DENND2C: variants seen among roughly 807,000 people sequenced by gnomAD.
The protein encoded by DENND2C is DENN domain-containing protein 2C.
Under a neutral mutation model 112.4 loss-of-function variants are expected in DENND2C, and 72 were observed. The ratio of observed to expected loss-of-function variants is 0.64; its 90% CI spans 0.53 to 0.78. The LOEUF is 0.78. Ranked by LOEUF, DENND2C falls within the 30% of genes least tolerant of loss-of-function variation. The probability of loss-of-function intolerance (pLI) is 0.00; values close to 1 mark genes in which losing one functional copy is unlikely to be tolerated. For missense variants in DENND2C, 992 were observed against 1,113.8 expected (o/e 0.89, Z 1.56); for synonymous variants, 329 against 381.6 (o/e 0.86, Z 1.61).
At position 114,599,269 on chromosome 1, in the gene DENND2C, C is replaced by T. The variant is rs1433578807; in HGVS notation, c.2283+5G>A. 16 of 1,598,218 alleles carry T rather than the reference C, an allele frequency of 1.0e-5. No homozygotes were observed. Among genetic ancestry groups the T allele is most frequent in the African/African-American group, 1.3e-5 (1 of 74,784 alleles). The stretch of plus-strand genomic sequence containing the variant: ...CCAATATTAGGTTCCATTCTTCTAT[C>T]TCACCTCTTCAATGGGTAGGTCCTG... On this transcript the variant is annotated splice_donor_5th_base_variant and intron_variant, in intron 16 of 20. Transcript: ENST00000393274.
At chr1:114,642,547 A>T (rs1656869957) in intron 3 of DENND2C, among the ~76,000 whole-genome samples, 1 of 152,202 alleles carries the variant, frequency 6.6e-6, no homozygotes, top group South Asian at 2.1e-4. Flanking sequence ...AATGATCACA[A>T]TGTTTACAGA....
chr1:114,663,607 G>GGCCT (rs1284886960), intron 1 of DENND2C, among the ~76,000 whole-genome samples: 2 of 152,122 alleles, frequency 1.3e-5, no homozygotes, highest in African/African-American at 2.4e-5. Context: ...GGCAGACTAT[G>GGCCT]GCCTACCTGT....
At position 114,625,298 on chromosome 1, in the gene DENND2C, T is replaced by C. The variant is rs1382101303; in HGVS notation, c.687A>G (p.Lys229=). 1.2e-6 allele frequency: 2 copies of C among 1,614,100 alleles called. No individual in the cohort carries two copies. Among genetic ancestry groups the C allele is most frequent in the East Asian group, 4.5e-5 (2 of 44,886 alleles). The part of the protein sequence containing the change: ...YLSESGVTPY[K]ERNCDKKYCE... Reference sequence around the variant, plus strand: ...AGTATTTTTTGTCACAGTTTCTTTCTTTATACGGCGTAACACCAGATTCGG... The same window carrying C: ...AGTATTTTTTGTCACAGTTTCTTTCCTTATACGGCGTAACACCAGATTCGG... The change falls in exon 4 of 21, where the codon AAA becomes AAG. Residue 229 remains lysine, a synonymous_variant. Coordinates refer to ENST00000393274, the MANE Select transcript of DENND2C (RefSeq NM_001256404.2).
intron 3 of DENND2C, among the ~76,000 whole-genome samples, chr1:114,635,942 G>T (rs891014569): frequency 2.0e-5 from 3 of 151,832 alleles, no homozygotes; most frequent in Non-Finnish European, 4.4e-5. Flanking sequence ...GGTGGTGGAG[G>T]TTGCATTGAG....
At position 114,618,337 on chromosome 1, in the gene DENND2C, C is replaced by G. The variant is rs181946833; in HGVS notation, c.1324+49G>C. ...CATTAAGTTATATGGTGATTCTCCT[C>G]TCATATCCTGACAGCTACAGGATAG... On this transcript the variant is annotated intron_variant, in intron 8 of 20. Transcript: ENST00000393274. 7.6e-4 allele frequency: 1,027 copies of G among 1,357,442 alleles called. 6 individuals are homozygous for G. The African/African-American group carries it at 0.014, about 18-fold the overall frequency. 84.1% of individuals were successfully genotyped at this position (1,357,442 alleles called of 1,614,324 possible).
chr1:114,643,011 C>T (rs906981300), intron 3 of DENND2C, among the ~76,000 whole-genome samples: 19 of 152,254 alleles, frequency 1.2e-4, no homozygotes, highest in African/African-American at 4.6e-4. Context: ...TCTGAATTTG[C>T]CTTATAGCAA....
At chr1:114,619,708 T>A (rs976683218) in intron 7 of DENND2C, among the ~76,000 whole-genome samples, 1 of 152,124 alleles carries the variant, frequency 6.6e-6, no homozygotes, top group African/African-American at 2.4e-5. Flanking sequence ...TACTAAGGGC[T>A]ATAGGAAAGA....
At chr1:114,614,775 G>A (rs1409446248) in intron 8 of DENND2C, among the ~76,000 whole-genome samples, 1 of 152,144 alleles carries the variant, frequency 6.6e-6, no homozygotes, top group Non-Finnish European at 1.5e-5. Context: ...TACTTTGGGA[G>A]GCCGAGGCGG....
intron 11 of DENND2C, among the ~76,000 whole-genome samples, 190 bp from the exon 12 acceptor site, chr1:114,602,384 A>G (rs577221737): frequency 6.6e-6 from 1 of 152,190 alleles, no homozygotes; most frequent in Non-Finnish European, 1.5e-5. Flanking sequence ...CAAGTGATCT[A>G]AGAGGAGGCA....
intron 4 of DENND2C, among the ~76,000 whole-genome samples, chr1:114,623,886 G>A (rs1656259054): frequency 6.6e-6 from 1 of 152,078 alleles, no homozygotes; most frequent in Admixed American, 6.6e-5. Flanking sequence ...AGAGGCGCGT[G>A]CCACCATGCT....
At chr1:114,629,756 C>A (rs937451707) in intron 3 of DENND2C, among the ~76,000 whole-genome samples, 2 of 152,064 alleles carry the variant, frequency 1.3e-5, no homozygotes, top group Non-Finnish European at 2.9e-5. Context: ...ATATAGAATT[C>A]TGTGTTTTTA....
Position 114,626,110 on chromosome 1 carries a change from C to A in DENND2C, c.-126G>T. 9.7e-7 allele frequency: 1 copy of A among 1,034,458 alleles called. No individual in the cohort carries two copies. Among genetic ancestry groups the A allele is most frequent in the Non-Finnish European group, 1.3e-6 (1 of 743,324 alleles). 64.1% of individuals were successfully genotyped at this position (1,034,458 alleles called of 1,614,324 possible). On this transcript the variant is annotated 5_prime_UTR_variant, in exon 4 of 21. Coordinates refer to ENST00000393274, the MANE Select transcript of DENND2C (RefSeq NM_001256404.2). ...TCCAGTATTTTCCCTTCATGTTTAA[C>A]TTGTAAATCTCTTTGTAAAAAGAAA...
chr1:114,592,113 G>A (rs531948563), intron 18 of DENND2C, among the ~76,000 whole-genome samples: 1 of 152,072 alleles, frequency 6.6e-6, no homozygotes, highest in East Asian at 1.9e-4. Flanking sequence ...TCAAACTGCT[G>A]ACCTCAAGTG....
intron 2 of DENND2C, among the ~76,000 whole-genome samples, chr1:114,649,066 TGCCTCA>T (rs1177840404): frequency 6.6e-5 from 10 of 152,060 alleles, no homozygotes; most frequent in African/African-American, 2.4e-4. Flanking sequence ...ATGATTCTCC[TGCCTCA>T]GCCTCCCGAG....
At chr1:114,638,139 C>CAT (rs1157079037) in intron 3 of DENND2C, among the ~76,000 whole-genome samples, 1 of 152,020 alleles carries the variant, frequency 6.6e-6, no homozygotes, top group East Asian at 1.9e-4. Flanking sequence ...AATGAACCCA[C>CAT]ATATATATAG....
rs5777200 is a variant in DENND2C, at chr1:114,627,582, C to CA, written c.-204-1395dup. Among the ~76,000 whole-genome samples, 577 of 144,102 alleles carry CA rather than the reference C, an allele frequency of 4.0e-3. 16 individuals carry two copies. In the East Asian group the frequency reaches 0.08, roughly 20 times the overall value. The allele number at this position is 144,102 out of a possible 152,430, so 94.5% of individuals were successfully genotyped here. ...AATAAACTTTGGTGATAGTCTGACG[C>CA]AAAAAAAAAAAAAAAAAAAATCCAA... is the stretch of plus-strand genomic sequence containing the variant. On this transcript the variant is annotated intron_variant, in intron 3 of 20. Transcript: ENST00000393274.
intron 13 of DENND2C, among the ~76,000 whole-genome samples, chr1:114,601,285 G>A (rs1446512857): frequency 6.6e-6 from 1 of 152,194 alleles, no homozygotes; most frequent in East Asian, 1.9e-4. Flanking sequence ...GACAAGATAA[G>A]CTTTGGACTA....
At chr1:114,644,330 TC>T (rs1306160931) in intron 3 of DENND2C, among the ~76,000 whole-genome samples, 1 of 152,130 alleles carries the variant, frequency 6.6e-6, no homozygotes, top group Non-Finnish European at 1.5e-5. Context: ...TTTACTTCTC[TC>T]CCTCACTGGA....
intron 12 of DENND2C, 74 bp from the exon 13 acceptor site, chr1:114,601,659 A>G: frequency 3.0e-6 from 4 of 1,335,816 alleles, no homozygotes; most frequent in Non-Finnish European, 4.3e-6. Flanking sequence ...TGGACTATTA[A>G]TTATCTTTTA....
Sources: gnomAD v4.1 joint callset for allele counts (sites outside exome capture counted in the v4.1 genomes callset) on GRCh38, gnomAD v4.1.1 for gene constraint, MANE v1.5 for transcripts, NCBI Gene and HGNC (gene_info 2026-07-23, HGNC 2026-07-21) for gene names.